Variants in TRIOBP observed in about 807,000 individuals in gnomAD.
TRIOBP encodes the protein TRIO and F-actin binding protein, also known as TRIO and F-actin-binding protein.
Under a neutral mutation model 238.8 loss-of-function variants are expected in TRIOBP, and 169 were observed. The observed-to-expected ratio is 0.71, with a 90% confidence interval of 0.62 to 0.80. The LOEUF (loss-of-function observed/expected upper bound fraction) is 0.80, where lower values mean the gene tolerates loss of function less well. Among genes scored for constraint, TRIOBP ranks in the 30% least tolerant of loss-of-function variants. TRIOBP has a pLI of 0.00. For synonymous variants in TRIOBP, 1,150 were observed against 1,274.4 expected (o/e 0.90, Z 2.08); for missense variants, 2,838 against 3,122.6 (o/e 0.91, Z 2.17).
chr22:37,734,370 C>T (rs757086349), intron 8 of TRIOBP, 29 bp from the exon 9 acceptor site: 5 of 1,600,946 alleles, frequency 3.1e-6, no homozygotes, highest in African/African-American at 1.3e-5. Context: ...AGAGAGAGAG[C>T]CTCACCTACC....
At position 37,754,842 on chromosome 22, in the gene TRIOBP, C is replaced by T; in HGVS notation, c.5380-35C>T. The stretch of plus-strand genomic sequence containing the variant: ...GCCACACAGGACACCTGTACAATCA[C>T]ACACACTGGCTCTTTCATTCCATCC... On this transcript the variant is annotated intron_variant, in intron 12 of 23. Coordinates refer to ENST00000644935, the MANE Select transcript of TRIOBP (RefSeq NM_001039141.3). 3 of 1,605,764 alleles carry T rather than the reference C, an allele frequency of 1.9e-6. No individual in the cohort carries two copies. The East Asian group carries it at 6.7e-5, about 36-fold the overall frequency.
chr22:37,745,198 CAG>C lies in TRIOBP; in HGVS notation c.5322+4168_5322+4169del, dbSNP rs1395099170. Among the ~76,000 whole-genome samples the C allele has an allele frequency of 5.3e-5, 8 of 152,140 alleles. No homozygotes were observed. In the East Asian group the frequency reaches 1.5e-3, roughly 29 times the overall value. On this transcript the variant is annotated intron_variant, in intron 11 of 23. Coordinates refer to ENST00000644935, the MANE Select transcript of TRIOBP (RefSeq NM_001039141.3). ...ATTTTTGAACCCCAAATCAAGATGA[CAG>C]AATAATTGAAATGCCAATTATTCCA...
chr22:37,738,650 AGAGGAGCCT>A lies in TRIOBP; in HGVS notation c.5122_5130del (p.Pro1708_Glu1710del). On this transcript the variant is annotated inframe_deletion, in exon 10 of 24. Transcript: ENST00000644935. ...CTTTTTTTAATCTCCAGTTCCAACCAGAGGAGCCTGAGGAGTCAGAACCAAGCAGAGGCC... is the reference window on the plus strand; with the variant it reads ...CTTTTTTTAATCTCCAGTTCCAACCAGAGGAGTCAGAACCAAGCAGAGGCC... 6.2e-7 allele frequency: 1 copy of A among 1,613,924 alleles called. No homozygotes were observed. The highest frequency in any genetic ancestry group is 8.5e-7 in the Non-Finnish European group (1 of 1,179,948).
At chr22:37,759,030 C>G in intron 16 of TRIOBP, 124 bp from the exon 17 acceptor site, 1 of 816,478 alleles carries the variant, frequency 1.2e-6, no homozygotes, top group African/African-American at 1.7e-5. Context: ...CTGAGGCATT[C>G]CTAAGCCTTC....
intron 2 of TRIOBP, among the ~76,000 whole-genome samples, chr22:37,698,207 AAAAAAAAAAAAG>A (rs1211762443): frequency 2.4e-5 from 3 of 126,896 alleles, no homozygotes; most frequent in South Asian, 2.9e-4. Flanking sequence ...CTCAAAAAAA[AAAAAAAAAAAAG>A]AAAGAAAGAC....
Position 37,765,723 on chromosome 22 carries a change from G to T in TRIOBP, c.6378G>T (p.Met2126Ile). 6.4e-7 allele frequency: 1 copy of T among 1,561,466 alleles called. No individual in the cohort carries two copies. The highest frequency in any genetic ancestry group is 1.2e-5 in the South Asian group (1 of 84,846). ...AEMESSHQQVMEELQRHHERE... is the reference protein window; with the variant it reads ...AEMESSHQQVIEELQRHHERE... ...TGGAGTCCTCGCACCAGCAGGTGAT[G>T]GAGGAGCTGCAGCGGCACCACGAGC... Residue 2126 changes from methionine (M) to isoleucine (I), a missense_variant, in exon 18 of 24, where the codon ATG (methionine) becomes ATT (isoleucine). Coordinates refer to ENST00000644935, the MANE Select transcript of TRIOBP (RefSeq NM_001039141.3).
Position 37,734,558 on chromosome 22 carries a change from C to T in TRIOBP, c.4222C>T (p.Arg1408Trp), listed in dbSNP as rs577249547. The T allele has an allele frequency of 8.0e-5, 127 of 1,589,538 alleles. 2 individuals are homozygous for T. The highest frequency in any genetic ancestry group is 1.7e-4 in the Middle Eastern group (1 of 6,054). Residue 1408 changes from arginine to tryptophan, a missense_variant, in exon 9 of 24, where the codon CGG becomes TGG. By Grantham distance (101) the Arg-to-Trp change is moderately radical. Around this residue, in one of 5 missense-constraint regions of TRIOBP, gnomAD observed 2,096 missense variants for 2,137.4 expected, o/e 0.98. Transcript: ENST00000644935. ...TSARTPERELRTQRPLESGQA... is the reference protein window; with the variant it reads ...TSARTPERELWTQRPLESGQA... ...AGCCAGGACCCCTGAGAGGGAGCTG[C>T]GGACACAGAGACCTCTGGAGAGTGG...
chr22:37,707,148 T>C (rs553665239), intron 3 of TRIOBP, among the ~76,000 whole-genome samples: 2 of 152,146 alleles, frequency 1.3e-5, no homozygotes, highest in African/African-American at 4.8e-5. Context: ...TGGTGGCGGA[T>C]GCCTGTAATC....
chr22:37,750,546 G>A (rs942083364), intron 11 of TRIOBP: 11 of 438,128 alleles, frequency 2.5e-5, no homozygotes, highest in South Asian at 1.6e-4. Context: ...TCCGTCTCAG[G>A]TGGAAGACGG....
chr22:37,767,955 T>C (rs887833234), intron 18 of TRIOBP, 119 bp from the exon 19 acceptor site: 1 of 790,738 alleles, frequency 1.3e-6, no homozygotes, highest in Non-Finnish European at 2.2e-6. Flanking sequence ...AGTACTTGCA[T>C]AGTACTATGT....
intron 6 of TRIOBP, among the ~76,000 whole-genome samples, chr22:37,722,358 G>A (rs1923874090): frequency 6.6e-6 from 1 of 150,582 alleles, no homozygotes. Flanking sequence ...AACCCAGGAG[G>A]CTTAGGTTGC....
intron 11 of TRIOBP, among the ~76,000 whole-genome samples, chr22:37,745,866 G>C (rs900763545): frequency 1.3e-5 from 2 of 152,090 alleles, no homozygotes; most frequent in African/African-American, 4.8e-5. Flanking sequence ...GGGCCGGGTC[G>C]GGAAGCGCAG....
chr22:37,713,341 A>G lies in TRIOBP; in HGVS notation c.386A>G (p.Asp129Gly). ...TTSLCGSCNE[D>G]PGSDPTSSPD... is the part of the protein sequence containing the mutation. ...TCCTTGTGTGGCAGCTGCAACGAGG[A>G]CCCCGGCTCTGACCCCACCTCCAGC... Residue 129 changes from aspartate (D) to glycine (G), a missense_variant, in exon 5 of 24, where the codon GAC becomes GGC. By Grantham distance (94) the Asp-to-Gly change is moderately conservative. Around this residue, in one of 5 missense-constraint regions of TRIOBP, gnomAD observed 535 missense variants for 537.3 expected, o/e 1.00. Coordinates refer to ENST00000644935, the MANE Select transcript of TRIOBP (RefSeq NM_001039141.3). The G allele has an allele frequency of 6.2e-7, 1 of 1,613,588 alleles. No individual in the cohort carries two copies. Among genetic ancestry groups the G allele is most frequent in the Middle Eastern group, 1.7e-4 (1 of 6,060 alleles).
intron 11 of TRIOBP, among the ~76,000 whole-genome samples, chr22:37,745,789 G>T (rs1212418137): frequency 6.6e-6 from 1 of 152,228 alleles, no homozygotes. Context: ...TGAGTCGTTA[G>T]TACTGGGTGC....
chr22:37,768,627 A>G (rs1403413550), intron 19 of TRIOBP, among the ~76,000 whole-genome samples: 1 of 151,884 alleles, frequency 6.6e-6, no homozygotes, highest in Non-Finnish European at 1.5e-5. Flanking sequence ...ACATGGTGAA[A>G]CCCCATCTCT....
intron 21 of TRIOBP, among the ~76,000 whole-genome samples, chr22:37,770,910 C>A (rs1024359982): frequency 4.6e-4 from 69 of 150,488 alleles, no homozygotes; most frequent in Non-Finnish European, 8.4e-4. Context: ...TCCCAATCTC[C>A]TGACCTCGTG....
chr22:37,767,715 G>C (rs76574030), intron 18 of TRIOBP, among the ~76,000 whole-genome samples: 9 of 152,106 alleles, frequency 5.9e-5, no homozygotes, highest in East Asian at 1.9e-4. Context: ...CTGCAGGGGG[G>C]GTGTACTAGG....
intron 12 of TRIOBP, among the ~76,000 whole-genome samples, chr22:37,752,083 G>A (rs1216049533): frequency 1.3e-5 from 2 of 152,190 alleles, no homozygotes; most frequent in African/African-American, 4.8e-5. Context: ...TCTTGGCCCT[G>A]CCACCTCAGT....
intron 5 of TRIOBP, 49 bp downstream of exon 5, chr22:37,713,460 T>C (rs938804649): frequency 2.6e-5 from 41 of 1,595,286 alleles, no homozygotes; most frequent in Non-Finnish European, 3.3e-5. Context: ...CACACCTCCA[T>C]CTGCAGCCCT....
Sources: allele counts gnomAD v4.1 joint callset (sites outside exome capture counted in the v4.1 genomes callset), GRCh38; gene constraint gnomAD v4.1.1; regional missense constraint gnomAD v4.1.1; transcripts MANE v1.5; gene names NCBI Gene and HGNC (gene_info 2026-07-23, HGNC 2026-07-21).